MYL5: variants seen among roughly 807,000 people sequenced by gnomAD.
The protein encoded by MYL5 is myosin light chain 5.
MYL5 carries 28 observed loss-of-function variants against 20.8 expected under a neutral mutation model. That is an observed-to-expected ratio of 1.35 (90% CI 1.00 to 1.84). MYL5 has a LOEUF of 1.84. MYL5 is among the 40% of genes most tolerant of loss of function. MYL5 has a pLI of 0.00. For missense variants in MYL5, 274 were observed against 227.3 expected (o/e 1.21, Z -1.32); for synonymous variants, 118 against 87.4 (o/e 1.35, Z -1.95).
intron 6 of MYL5, 130 bp downstream of exon 8, chr4:681,270 G>A: frequency 1.8e-6 from 2 of 1,118,334 alleles, no homozygotes; most frequent in Non-Finnish European, 2.5e-6. Flanking sequence ...CAGGCCCCCG[G>A]GGGGCTCCCG....
intron 6 of MYL5, 124 bp downstream of exon 8, chr4:681,264 C>A (rs1431845227): frequency 8.5e-6 from 10 of 1,170,680 alleles, no homozygotes; most frequent in African/African-American, 1.5e-5. Flanking sequence ...ACAGAACAGG[C>A]CCCCGGGGGG....
At chr4:681,026 G>A (rs2109357278) in intron 5 of MYL5, 66 bp from the exon 8 acceptor site, 2 of 1,539,402 alleles carry the variant, frequency 1.3e-6, no homozygotes, top group Middle Eastern at 1.7e-4. Flanking sequence ...TGGAGCACCT[G>A]AGCCCCACCG....
At chr4:681,045 C>T (rs750596471) in intron 5 of MYL5, 47 bp from the exon 8 acceptor site, 4 of 1,561,238 alleles carry the variant, frequency 2.6e-6, no homozygotes, top group East Asian at 2.3e-5. Flanking sequence ...CGAGAAGGCT[C>T]CTGCACCCCC....
upstream of MYL5, chr4:676,920 T>C (rs1738896733): frequency 3.0e-6 from 3 of 985,370 alleles, no homozygotes; most frequent in Non-Finnish European, 3.6e-6. Context: ...GACCTGGGGA[T>C]GGCACCAGGC....
chr4:676,886 G>A (rs995339648), upstream of MYL5: 9 of 985,382 alleles, frequency 9.1e-6, no homozygotes, highest in Non-Finnish European at 9.6e-6. Context: ...AACCTCAGGA[G>A]TCAGTGCTTC....
At chr4:680,727 C>T (rs1295271190) in intron 5 of MYL5, 140 bp downstream of exon 7, 3 of 844,694 alleles carry the variant, frequency 3.6e-6, no homozygotes, top group Non-Finnish European at 3.7e-6. Context: ...GAGGAGCGAA[C>T]CCAGGATCCC....
chr4:680,127 G>A (rs1343000313), intron 4 of MYL5, 109 bp downstream of exon 6: 1 of 1,093,220 alleles, frequency 9.1e-7, no homozygotes, highest in East Asian at 2.6e-5. Flanking sequence ...GAAGCCCTAG[G>A]GCCTGGCACT....
chr4:681,228 G>A (rs1478831415), intron 6 of MYL5, 88 bp downstream of exon 8: 56 of 1,483,356 alleles, frequency 3.8e-5, no homozygotes, highest in Non-Finnish European at 4.9e-5. Context: ...GGAGCCCGAG[G>A]AGCAGCGCCG....
chr4:681,131 G>C (rs1216191645), exon 6 of MYL5: 2 of 1,606,518 alleles, frequency 1.2e-6, no homozygotes, highest in East Asian at 2.2e-5. Context: ...ACAAGATGAC[G>C]GCGGAAGAGG....
chr4:678,362 A>C (rs1224906329), intron 1 of MYL5: 3 of 1,412,894 alleles, frequency 2.1e-6, no homozygotes, highest in African/African-American at 2.9e-5. Flanking sequence ...TCAAGCCTTC[A>C]GAGGCCAAGC....
chr4:679,964 T>C, exon 4 of MYL5: 1 of 1,613,572 alleles, frequency 6.2e-7, no homozygotes, highest in South Asian at 1.1e-5. Context: ...CAAAGAGGCC[T>C]CGGGGCCCAT....
chr4:681,212 G>A, intron 6 of MYL5, 72 bp downstream of exon 8: 7 of 1,539,174 alleles, frequency 4.5e-6, no homozygotes. Context: ...GGGTGGAGGG[G>A]GACGCGGAGC....
At chr4:677,762 G>A (rs539438274), upstream of MYL5, among the ~76,000 whole-genome samples, 45 of 152,154 alleles carry the variant, frequency 3.0e-4, no homozygotes, top group Admixed American at 1.1e-3. Context: ...CCCGGGGTTC[G>A]GGGACAGGTG....
chr4:681,221 G>A, intron 6 of MYL5, 81 bp downstream of exon 8: 1 of 1,512,800 alleles, frequency 6.6e-7, no homozygotes, highest in Non-Finnish European at 9.0e-7. Context: ...GGGACGCGGA[G>A]CCCGAGGAGC....
chr4:676,800 G>A (rs1738884897), upstream of MYL5: 5 of 838,972 alleles, frequency 6.0e-6, no homozygotes, highest in South Asian at 1.6e-4. Context: ...CAGCCCCAGG[G>A]TTCCACATCT....
intron 6 of MYL5, 51 bp downstream of exon 8, chr4:681,191 C>G: frequency 6.4e-7 from 1 of 1,571,576 alleles, no homozygotes; most frequent in Non-Finnish European, 8.6e-7. Flanking sequence ...GCGGGGCTCC[C>G]GGGGTCAGCT....
chr4:680,724 G>A (rs768300437), intron 5 of MYL5, 137 bp downstream of exon 7: 14 of 886,220 alleles, frequency 1.6e-5, no homozygotes, highest in Middle Eastern at 2.3e-4. Context: ...CATGAGGAGC[G>A]AACCCAGGAT....
rs748831013 is a variant in MYL5, at chr4:681,083, C to T, written c.372-9C>T. The T allele has an allele frequency of 3.1e-6, 5 of 1,597,172 alleles. No homozygotes were observed. Among genetic ancestry groups the T allele is most frequent in the African/African-American group, 2.7e-5 (2 of 74,726 alleles). On this transcript the variant is annotated splice_polypyrimidine_tract_variant and intron_variant, in intron 5 of 6. Coordinates refer to ENST00000400159, the Ensembl canonical transcript of MYL5. The stretch of plus-strand genomic sequence containing the variant: ...ATCAGCCCGCGCTGACCCCTTTCCT[C>T]GTCCTCAGCATCAAGCGTCTGCTGA...
In MYL5 at chr4:678,647, T is replaced by A. The variant is rs1295345261; in HGVS notation, c.4-11T>A. ...AGCCCAGGACCCTCAGCCATGGTGC[T>A]CCCACCGCAGGCCAGCAGGAAGACC... On this transcript the variant is annotated splice_polypyrimidine_tract_variant and intron_variant, in intron 1 of 6. Coordinates refer to ENST00000400159, the Ensembl canonical transcript of MYL5. The A allele has an allele frequency of 6.3e-7, 1 of 1,598,334 alleles. No homozygotes were observed. The highest frequency in any genetic ancestry group is 1.3e-5 in the African/African-American group (1 of 74,786).
Sources: gnomAD v4.1 joint callset for allele counts (sites outside exome capture counted in the v4.1 genomes callset) on GRCh38, gnomAD v4.1.1 for gene constraint, MANE v1.5 for transcripts, NCBI Gene and HGNC (gene_info 2026-07-23, HGNC 2026-07-21) for gene names.